The following ZNF710 variants were observed in gnomAD, a reference collection of about 807,000 sequenced individuals.
ZNF710 encodes zinc finger protein 710.
Under a neutral mutation model 50.6 loss-of-function variants are expected in ZNF710, and 13 were observed. The observed-to-expected ratio is 0.26, with a 90% CI of 0.17 to 0.41. ZNF710 has a LOEUF of 0.41. Among genes scored for constraint, ZNF710 ranks in the 10% least tolerant of loss-of-function variants. ZNF710 has a pLI of 1.00. For synonymous variants in ZNF710, 383 were observed against 397.0 expected (o/e 0.96, Z 0.42); for missense variants, 721 against 936.6 (o/e 0.77, Z 3.01).
intron 4 of ZNF710, chr15:90,074,731 G>A (rs1900533739): frequency 2.9e-6 from 1 of 347,154 alleles, no homozygotes; most frequent in Non-Finnish European, 5.4e-6. Flanking sequence ...TCAAATAAGT[G>A]TATGGGAAAG....
chr15:90,075,287 G>A (rs974290869), intron 4 of ZNF710: 4 of 152,278 alleles, frequency 2.6e-5, no homozygotes, highest in Admixed American at 6.5e-5. Context: ...TTGGGAGGCC[G>A]AGGCAGGAGG....
intron 1 of ZNF710, among the ~76,000 whole-genome samples, chr15:90,054,382 C>G (rs535191601): frequency 7.2e-4 from 110 of 152,142 alleles, no homozygotes; most frequent in African/African-American, 2.5e-3. Flanking sequence ...ATGAGGGGCT[C>G]CCAGGTGTGA....
rs1432094119 is a variant in ZNF710 at position 90,023,678 on chromosome 15, C to T, written c.-29+22064C>T. On this transcript the variant is annotated intron_variant, in intron 1 of 4. Transcript: ENST00000268154. Reference sequence around the variant, plus strand: ...CAGCCTGGGTGACAGAGTGAGACCCCAACTCTATTAAAAGCAAAATAAAAC... The same window carrying T: ...CAGCCTGGGTGACAGAGTGAGACCCTAACTCTATTAAAAGCAAAATAAAAC... Among the ~76,000 whole-genome samples the T allele has an allele frequency of 2.0e-5, 3 of 151,036 alleles. No homozygotes were observed. In the South Asian group the frequency reaches 6.3e-4, roughly 32 times the overall value.
chr15:90,070,464 GA>G (rs1309482048), intron 2 of ZNF710, among the ~76,000 whole-genome samples: 1 of 151,838 alleles, frequency 6.6e-6, no homozygotes, highest in Non-Finnish European at 1.5e-5. Context: ...TTGAGCCCAG[GA>G]GTTTGAGACC....
At chr15:90,032,895 G>T (rs1216447600) in intron 1 of ZNF710, among the ~76,000 whole-genome samples, 4 of 151,798 alleles carry the variant, frequency 2.6e-5, no homozygotes, top group Non-Finnish European at 4.4e-5. Flanking sequence ...AACATAGCAA[G>T]AACTTGTTTC....
In ZNF710 at chr15:90,067,634, G is replaced by A. The variant is rs752981599; in HGVS notation, c.497G>A (p.Arg166His). 9 of 1,611,738 alleles carry A rather than the reference G, an allele frequency of 5.6e-6. No homozygotes were observed. Among genetic ancestry groups the A allele is most frequent in the South Asian group, 1.1e-5 (1 of 90,842 alleles). ...VKMIDLSAFS[R>H]KPRTLRHLPR... ...ATGATCGACCTCAGCGCCTTCAGCC[G>A]CAAGCCCCGGACGCTCCGGCATCTG... Residue 166 changes from arginine (R) to histidine (H), a missense_variant, in exon 2 of 5, where the codon CGC becomes CAC. By Grantham distance (29) the Arg-to-His change is conservative. Transcript: ENST00000268154. The surrounding 1 kb of genome is among the most constrained non-coding windows in gnomAD (Gnocchi z 8.1).
intron 1 of ZNF710, among the ~76,000 whole-genome samples, chr15:90,047,933 C>T (rs757274729): frequency 1.3e-5 from 2 of 152,134 alleles, no homozygotes; most frequent in African/African-American, 4.8e-5. Flanking sequence ...TCCCAGAGCT[C>T]GAGGGTCGTG....
intron 1 of ZNF710, among the ~76,000 whole-genome samples, chr15:90,041,929 G>A (rs570015867): frequency 2.1e-3 from 270 of 128,638 alleles, no homozygotes; most frequent in African/African-American, 7.7e-3. Context: ...ATAGAGTTTC[G>A]CTCTGTTGCC....
At chr15:90,044,947 C>T (rs1266442633) in intron 1 of ZNF710, among the ~76,000 whole-genome samples, 1 of 152,186 alleles carries the variant, frequency 6.6e-6, no homozygotes, top group Non-Finnish European at 1.5e-5. Flanking sequence ...AACCCCCGCA[C>T]TGTGTCACAC....
At chr15:90,007,487 G>T (rs1898168345) in intron 1 of ZNF710, among the ~76,000 whole-genome samples, 1 of 152,130 alleles carries the variant, frequency 6.6e-6, no homozygotes, top group South Asian at 2.1e-4. Flanking sequence ...CTGGGAAGAG[G>T]AGCCGTAGCT....
At chr15:90,049,572 G>C (rs2151505417) in intron 1 of ZNF710, among the ~76,000 whole-genome samples, 1 of 152,284 alleles carries the variant, frequency 6.6e-6, no homozygotes, top group Non-Finnish European at 1.5e-5. Context: ...GGGCTTCCAA[G>C]CTCCTACAGG....
rs1346829684 is a variant in ZNF710, at chr15:90,063,460, TGTC to T, written c.-28-3646_-28-3644del. Reference sequence around the variant, plus strand: ...GAAGCTGTAGGTCTTCCGTGGTGTTTGTCGTCAGTTGTTGGCAGCTCTCTGTGC... The same window carrying T: ...GAAGCTGTAGGTCTTCCGTGGTGTTTGTCAGTTGTTGGCAGCTCTCTGTGC... On this transcript the variant is annotated intron_variant, in intron 1 of 4. Transcript: ENST00000268154. Among the ~76,000 whole-genome samples the T allele has an allele frequency of 3.3e-5, 5 of 152,032 alleles. No homozygotes were observed. The East Asian group carries it at 9.6e-4, about 29-fold the overall frequency.
At chr15:90,024,645 C>T (rs1395524056) in intron 1 of ZNF710, among the ~76,000 whole-genome samples, 2 of 152,254 alleles carry the variant, frequency 1.3e-5, no homozygotes, top group African/African-American at 2.4e-5. Flanking sequence ...CTGTCTGTGG[C>T]TTCCTTGCCA....
At chr15:90,000,698 A>G (rs577869966), upstream of ZNF710, among the ~76,000 whole-genome samples, 366 of 152,306 alleles carry the variant, frequency 2.4e-3, 3 homozygotes, top group Middle Eastern at 3.4e-3. Flanking sequence ...TTAAAAATAC[A>G]TAAGTGAAGC....
chr15:90,008,454 G>GTATATATATATACATGTATATATATGTA (rs1898209922), intron 1 of ZNF710, among the ~76,000 whole-genome samples: 2 of 124,972 alleles, frequency 1.6e-5, no homozygotes, highest in Admixed American at 7.5e-5. Flanking sequence ...ATATATATAT[G>GTATATATATATACATGTATATATATGTA]TATATATATA....
At chr15:90,027,862 G>C (rs1596274263) in intron 1 of ZNF710, among the ~76,000 whole-genome samples, 1 of 133,398 alleles carries the variant, frequency 7.5e-6, no homozygotes, top group Admixed American at 7.3e-5. Context: ...AAAAAAAAAA[G>C]ATTTAAATTT....
intron 1 of ZNF710, among the ~76,000 whole-genome samples, chr15:90,001,944 G>T: frequency 7.0e-6 from 1 of 143,562 alleles, no homozygotes; most frequent in Non-Finnish European, 1.5e-5. Flanking sequence ...GAAAGAGGGC[G>T]AGAGGGAGGA....
Position 90,059,726 on chromosome 15 carries a change from A to C in ZNF710, c.-28-7384A>C, listed in dbSNP as rs1899944434. On this transcript the variant is annotated intron_variant, in intron 1 of 4. Transcript: ENST00000268154. This position sits in a 1 kb window ranked among gnomAD's most constrained non-coding sequence, Gnocchi z 4.1. The stretch of plus-strand genomic sequence containing the variant: ...ACTGTGGCAAGGGGCCCCGAGGCAC[A>C]GGCCTTCCAGCTCTCGCTTCCTCTT... 6.6e-6 allele frequency among the ~76,000 whole-genome samples: 1 copy of C among 152,230 alleles called. No individual in the cohort carries two copies.
chr15:90,073,269 G>A lies in ZNF710; in HGVS notation c.1650+7G>A, dbSNP rs780681849. ...GAAGCCATTCAAATGCAAGGTACCC[G>A]GTCATCAGGCCCCGGGGCTGGGACC... On this transcript the variant is annotated splice_region_variant and intron_variant, in intron 3 of 4. Transcript: ENST00000268154. 15 of 1,609,210 alleles carry A rather than the reference G, an allele frequency of 9.3e-6. No homozygotes were observed. The highest frequency in any genetic ancestry group is 1.3e-5 in the African/African-American group (1 of 74,968).
Sources: allele counts gnomAD v4.1 joint callset (sites outside exome capture counted in the v4.1 genomes callset), GRCh38; gene constraint gnomAD v4.1.1; non-coding constraint Gnocchi (gnomAD v3.1); transcripts MANE v1.5; gene names NCBI Gene and HGNC (gene_info 2026-07-23, HGNC 2026-07-21).